TNNI3K: variants seen among roughly 807,000 people sequenced by gnomAD.
TNNI3K encodes TNNI3 interacting kinase, also known as serine/threonine-protein kinase TNNI3K.
Under a neutral mutation model 114.5 loss-of-function variants are expected in TNNI3K, and 140 were observed. The ratio of observed to expected loss-of-function variants is 1.22; its 90% CI spans 1.07 to 1.41. The LOEUF (loss-of-function observed/expected upper bound fraction) is 1.41. TNNI3K is among the 40% of genes most tolerant of loss of function. The pLI, the probability that TNNI3K is intolerant of heterozygous loss-of-function variation, is 0.00. For missense variants in TNNI3K, 1,125 were observed against 1,007.6 expected (o/e 1.12, Z -1.58); for synonymous variants, 347 against 347.5 (o/e 1.00, Z 0.02).
intron 23 of TNNI3K, among the ~76,000 whole-genome samples, chr1:74,535,003 C>T (rs189787598): frequency 3.3e-5 from 5 of 151,308 alleles, no homozygotes; most frequent in African/African-American, 7.3e-5. Flanking sequence ...GCAGTGGTAA[C>T]GTATAGCCAG....
chr1:74,430,376 A>AAAGGAACC (rs1665836580), intron 17 of TNNI3K, among the ~76,000 whole-genome samples: 1 of 152,124 alleles, frequency 6.6e-6, no homozygotes, highest in South Asian at 2.1e-4. Flanking sequence ...TCTTTTGTAG[A>AAAGGAACC]AAGGAACCAG....
chr1:74,514,434 C>A (rs1646318993), intron 23 of TNNI3K, among the ~76,000 whole-genome samples: 2 of 152,108 alleles, frequency 1.3e-5, no homozygotes, highest in Non-Finnish European at 2.9e-5. Flanking sequence ...TGAAAAGGTC[C>A]ATTTTAATAG....
At chr1:74,363,695 A>C (rs1181434520) in intron 11 of TNNI3K, among the ~76,000 whole-genome samples, 2 of 151,916 alleles carry the variant, frequency 1.3e-5, no homozygotes, top group Non-Finnish European at 2.9e-5. Flanking sequence ...GGGCTCTGTG[A>C]ATTAAGCTTT....
At chr1:74,380,783 A>G (rs528822931) in intron 17 of TNNI3K, among the ~76,000 whole-genome samples, 8 of 152,228 alleles carry the variant, frequency 5.3e-5, no homozygotes, top group African/African-American at 1.9e-4. Context: ...TAACCTTTCA[A>G]TAATGATATT....
intron 17 of TNNI3K, among the ~76,000 whole-genome samples, chr1:74,403,440 G>A (rs566394565): frequency 5.3e-5 from 8 of 151,876 alleles, no homozygotes; most frequent in Non-Finnish European, 1.0e-4. Flanking sequence ...GTTCTCTCCC[G>A]TGTTACTGCC....
chr1:74,481,959 C>T (rs1019908857), intron 21 of TNNI3K, among the ~76,000 whole-genome samples: 1 of 152,126 alleles, frequency 6.6e-6, no homozygotes, highest in Non-Finnish European at 1.5e-5. Context: ...TTAAAAAATA[C>T]GTAAAAGACA....
rs1001562935 is a variant in TNNI3K at position 74,446,862 on chromosome 1, G to A, written c.2011+7240G>A. ...GATCAGATAGTTGTAGGTATGCGGC[G>A]TTAATTCTGAGGGCTCTGTTCTGTT... On this transcript the variant is annotated intron_variant, in intron 20 of 24. Transcript: ENST00000326637. Among the ~76,000 whole-genome samples, 39 of 146,660 alleles carry A rather than the reference G, an allele frequency of 2.7e-4. 1 individual carries two copies. The South Asian group carries it at 3.8e-3, about 14-fold the overall frequency.
intron 21 of TNNI3K, among the ~76,000 whole-genome samples, chr1:74,473,388 T>C (rs917940736): frequency 2.0e-5 from 3 of 152,110 alleles, no homozygotes; most frequent in Non-Finnish European, 2.9e-5. Context: ...TTTAAAATTA[T>C]TTATTAGTAT....
chr1:74,528,130 G>GT (rs538968641), intron 23 of TNNI3K, among the ~76,000 whole-genome samples: 138 of 152,300 alleles, frequency 9.1e-4, no homozygotes, highest in Non-Finnish European at 1.6e-3. Flanking sequence ...CCCAAGAATG[G>GT]TAAGCAGGAC....
intron 4 of TNNI3K, among the ~76,000 whole-genome samples, chr1:74,264,043 G>A (rs1377238476): frequency 6.6e-6 from 1 of 151,772 alleles, no homozygotes; most frequent in African/African-American, 2.4e-5. Flanking sequence ...GCAGCCTGCA[G>A]GAATAAATAC....
At chr1:74,516,598 G>C (rs1431557647) in intron 23 of TNNI3K, among the ~76,000 whole-genome samples, 6 of 152,158 alleles carry the variant, frequency 3.9e-5, no homozygotes, top group Non-Finnish European at 7.3e-5. Context: ...TGCTGCTTGA[G>C]ACCTGGACCG....
intron 23 of TNNI3K, among the ~76,000 whole-genome samples, chr1:74,528,835 A>G (rs920753951): frequency 2.0e-5 from 3 of 152,192 alleles, no homozygotes; most frequent in Non-Finnish European, 2.9e-5. Context: ...TCCAAATACT[A>G]TTATTTACCA....
chr1:74,444,074 G>A (rs891929979), intron 20 of TNNI3K, among the ~76,000 whole-genome samples: 6 of 152,138 alleles, frequency 3.9e-5, no homozygotes, highest in Non-Finnish European at 8.8e-5. Context: ...GCAAAAGCTG[G>A]AAGCATTCCC....
At position 74,292,972 on chromosome 1, in the gene TNNI3K, C is replaced by T. The variant is rs1292228546; in HGVS notation, c.444+21264C>T. On this transcript the variant is annotated intron_variant, in intron 5 of 24. Coordinates refer to ENST00000326637, the MANE Select transcript of TNNI3K (RefSeq NM_015978.3). ...ATCTCTAGCAATGGTTTACTTTACC[C>T]ATGAAGTCCAATTTTTCCCTTATCA... Among the ~76,000 whole-genome samples the T allele has an allele frequency of 7.9e-5, 12 of 151,706 alleles. No homozygotes were observed. The South Asian group carries it at 1.2e-3, about 16-fold the overall frequency.
intron 5 of TNNI3K, among the ~76,000 whole-genome samples, chr1:74,294,093 A>AT (rs1179673396): frequency 6.6e-6 from 1 of 151,504 alleles, no homozygotes; most frequent in African/African-American, 2.4e-5. Context: ...TGATGTTTTT[A>AT]TTTTTTAATT....
At chr1:74,412,539 A>G (rs1391793603) in intron 17 of TNNI3K, among the ~76,000 whole-genome samples, 1 of 152,132 alleles carries the variant, frequency 6.6e-6, no homozygotes, top group Non-Finnish European at 1.5e-5. Flanking sequence ...GTTTTAAGAT[A>G]CCTATTAAAT....
At chr1:74,501,536 G>C (rs926898829) in intron 23 of TNNI3K, among the ~76,000 whole-genome samples, 2 of 152,020 alleles carry the variant, frequency 1.3e-5, no homozygotes, top group Non-Finnish European at 2.9e-5. Context: ...ACCCAGGCTA[G>C]AGTGCAGTGG....
chr1:74,445,831 C>T (rs1328824176), intron 20 of TNNI3K, among the ~76,000 whole-genome samples: 4 of 151,906 alleles, frequency 2.6e-5, no homozygotes, highest in South Asian at 2.1e-4. Context: ...AGGATGGTCT[C>T]GATCTCCTGA....
chr1:74,374,719 AT>A (rs1257286405), intron 17 of TNNI3K: 7 of 151,910 alleles, frequency 4.6e-5, no homozygotes, highest in Non-Finnish European at 1.5e-5. Flanking sequence ...TGTTTGGCCC[AT>A]AGTGTTTAAA....
Sources: allele counts gnomAD v4.1 joint callset (sites outside exome capture counted in the v4.1 genomes callset), GRCh38; gene constraint gnomAD v4.1.1; transcripts MANE v1.5; gene names NCBI Gene and HGNC (gene_info 2026-07-23, HGNC 2026-07-21).